Variants in PLCB4 observed in about 807,000 individuals in gnomAD.
The protein encoded by PLCB4 is phospholipase C beta 4.
A neutral mutation model predicts 178.8 loss-of-function variants in PLCB4; 77 were observed. The observed-to-expected ratio is 0.43, with a 90% CI of 0.36 to 0.52. PLCB4 has a LOEUF of 0.52. PLCB4 is among the 20% of genes least tolerant of loss of function. The pLI, the probability that PLCB4 is intolerant of heterozygous loss-of-function variation, is 0.00. For missense variants in PLCB4, 1,024 were observed against 1,453.4 expected (o/e 0.70, Z 4.80); for synonymous variants, 496 against 490.8 (o/e 1.01, Z -0.14).
intron 2 of PLCB4, among the ~76,000 whole-genome samples, chr20:9,188,388 A>T (rs534136106): frequency 1.3e-5 from 2 of 152,360 alleles, no homozygotes; most frequent in African/African-American, 4.8e-5. Flanking sequence ...TCCTTCTTCA[A>T]CTTGGAGAGG....
chr20:9,397,141 A>G (rs1602365195), intron 19 of PLCB4, among the ~76,000 whole-genome samples: 1 of 152,194 alleles, frequency 6.6e-6, no homozygotes, highest in African/African-American at 2.4e-5. Flanking sequence ...GGTTTATGTA[A>G]TATTTTAAAT....
intron 14 of PLCB4, 141 bp from the exon 15 acceptor site, chr20:9,387,322 T>G (rs2037762935): frequency 3.7e-6 from 2 of 546,984 alleles, no homozygotes; most frequent in South Asian, 6.2e-5. Context: ...AACCTGTATA[T>G]GCCATGAAAT....
At chr20:9,244,162 C>G (rs772636113) in intron 3 of PLCB4, among the ~76,000 whole-genome samples, 2 of 152,126 alleles carry the variant, frequency 1.3e-5, no homozygotes, top group African/African-American at 2.4e-5. Flanking sequence ...TTGCTGCATC[C>G]TAATCATGAA....
intron 3 of PLCB4, among the ~76,000 whole-genome samples, chr20:9,231,298 C>G (rs1193116574): frequency 6.6e-6 from 1 of 152,108 alleles, no homozygotes; most frequent in Admixed American, 6.6e-5. Context: ...AAACCTCCAG[C>G]TATTATCTTG....
intron 35 of PLCB4, among the ~76,000 whole-genome samples, chr20:9,461,137 T>C (rs1568888539): frequency 1.3e-5 from 2 of 152,158 alleles, no homozygotes; most frequent in Non-Finnish European, 2.9e-5. Flanking sequence ...TTTACATTGT[T>C]GAATAAAGAG....
intron 7 of PLCB4, among the ~76,000 whole-genome samples, chr20:9,344,138 C>T (rs2033546012): frequency 6.6e-6 from 1 of 152,182 alleles, no homozygotes; most frequent in Non-Finnish European, 1.5e-5. Context: ...CCCCACCTCC[C>T]TTCCCCTTTC....
In PLCB4 at chr20:9,337,198, G is replaced by A. The variant is rs768015317; in HGVS notation, c.157G>A (p.Glu53Lys). ...EFGFFLTWRSEGKEGQVLECS... is the reference protein window; with the variant it reads ...EFGFFLTWRSKGKEGQVLECS... Reference sequence around the variant, plus strand: ...TGGCTTCTTTCTGACATGGAGAAGTGAAGGCAAGGTATGGCCCAAGAAGAG... The same window carrying A: ...TGGCTTCTTTCTGACATGGAGAAGTAAAGGCAAGGTATGGCCCAAGAAGAG... The change falls in exon 5 of 40, where the codon GAA becomes AAA. Residue 53 changes from glutamate to lysine, a missense_variant. Glu to Lys is a moderately conservative substitution (Grantham distance 56, BLOSUM62 1). This residue lies in a region of PLCB4 where 225 missense variants were observed against 291.0 expected (regional missense o/e 0.77). Transcript: ENST00000378473. 1 of 1,611,810 alleles carries A rather than the reference G, an allele frequency of 6.2e-7. No homozygotes were observed. The highest frequency in any genetic ancestry group is 8.5e-7 in the Non-Finnish European group (1 of 1,178,090).
chr20:9,478,007 T>G (rs772671856), intron 39 of PLCB4, among the ~76,000 whole-genome samples: 1 of 152,144 alleles, frequency 6.6e-6, no homozygotes, highest in Non-Finnish European at 1.5e-5. Flanking sequence ...TCAAATGTCC[T>G]TTATTTCAAA....
chr20:9,387,620 T>C, intron 15 of PLCB4, 64 bp downstream of exon 15: 1 of 707,796 alleles, frequency 1.4e-6, no homozygotes, highest in East Asian at 2.7e-5. Flanking sequence ...AATAGGGAGA[T>C]GGAGAAGAGA....
At chr20:9,414,521 G>A (rs1372395799) in intron 25 of PLCB4, among the ~76,000 whole-genome samples, 1 of 152,232 alleles carries the variant, frequency 6.6e-6, no homozygotes, top group African/African-American at 2.4e-5. Flanking sequence ...ATTTCTTAAA[G>A]AGGCATTCTG....
At chr20:9,203,747 T>TATATTCCG (rs1347256272) in intron 2 of PLCB4, among the ~76,000 whole-genome samples, 1 of 150,834 alleles carries the variant, frequency 6.6e-6, no homozygotes, top group Non-Finnish European at 1.5e-5. Context: ...AAAACCACTC[T>TATATTCCG]ATATTCCGAA....
At chr20:9,147,250 T>C (rs543130949) in intron 2 of PLCB4, among the ~76,000 whole-genome samples, 1 of 152,262 alleles carries the variant, frequency 6.6e-6, no homozygotes, top group East Asian at 1.9e-4. Context: ...TTAAAGACAT[T>C]AATGTATGTT....
Position 9,414,603 on chromosome 20 carries a change from C to A in PLCB4, c.2051+3515C>A, listed in dbSNP as rs563931280. On this transcript the variant is annotated intron_variant, in intron 25 of 39. Coordinates refer to ENST00000378473, the MANE Select transcript of PLCB4 (RefSeq NM_001377142.1). ...CATCAGTGTGCAAAGTACACAAACA[C>A]CCCCAGGATCTAGCAACTGTAGCAA... is the stretch of plus-strand genomic sequence containing the variant. Among the ~76,000 whole-genome samples the A allele has an allele frequency of 3.3e-4, 51 of 152,308 alleles. 1 individual carries two copies. The South Asian group carries it at 0.011, about 32-fold the overall frequency.
At chr20:9,199,335 G>C (rs1440046560) in intron 2 of PLCB4, among the ~76,000 whole-genome samples, 1 of 152,184 alleles carries the variant, frequency 6.6e-6, no homozygotes, top group African/African-American at 2.4e-5. Flanking sequence ...CATCCCAACA[G>C]TGGTGGAAAG....
rs117612683 is a variant in PLCB4, at chr20:9,364,868, A to G, written c.450-593A>G. 3.2e-4 allele frequency among the ~76,000 whole-genome samples: 48 copies of G among 152,332 alleles called. No homozygotes were observed. The East Asian group carries it at 8.5e-3, about 27-fold the overall frequency. On this transcript the variant is annotated intron_variant, in intron 8 of 39. Transcript: ENST00000378473. Reference sequence around the variant, plus strand: ...TGGGGAAAGCAAGGAATTTTTCACCATCAATTTGAGTTGATGAACTAGTCT... The same window carrying G: ...TGGGGAAAGCAAGGAATTTTTCACCGTCAATTTGAGTTGATGAACTAGTCT...
At chr20:9,475,215 T>C (rs2044465037) in intron 38 of PLCB4, among the ~76,000 whole-genome samples, 1 of 152,242 alleles carries the variant, frequency 6.6e-6, no homozygotes, top group South Asian at 2.1e-4. Context: ...GCAACAAGTT[T>C]GACTAAAGAA....
At chr20:9,128,542 G>A (rs1015591562) in intron 2 of PLCB4, among the ~76,000 whole-genome samples, 4 of 152,186 alleles carry the variant, frequency 2.6e-5, no homozygotes, top group South Asian at 2.1e-4. Context: ...GTACCTCCAT[G>A]CCCAGCTAAT....
At chr20:9,337,245 T>C in intron 5 of PLCB4, 39 bp downstream of exon 5, 1 of 1,430,088 alleles carries the variant, frequency 7.0e-7, no homozygotes. Context: ...TTCTGCTTTG[T>C]GGTTTAAGCC....
chr20:9,403,782 G>A (rs1035110081), intron 20 of PLCB4, among the ~76,000 whole-genome samples: 4 of 152,206 alleles, frequency 2.6e-5, no homozygotes, highest in Non-Finnish European at 2.9e-5. Flanking sequence ...AGTTTACTAT[G>A]TGAAAGTTTA....
Sources: gnomAD v4.1 joint callset for allele counts (sites outside exome capture counted in the v4.1 genomes callset) on GRCh38, gnomAD v4.1.1 for gene constraint, gnomAD v4.1.1 regional missense constraint, MANE v1.5 for transcripts, NCBI Gene and HGNC (gene_info 2026-07-23, HGNC 2026-07-21) for gene names.